Variants in SLC4A1 observed in about 807,000 individuals in gnomAD.
SLC4A1 encodes band 3 anion transport protein.
SLC4A1 carries 29 observed loss-of-function variants against 93.1 expected under a neutral mutation model. That is an observed-to-expected ratio of 0.31 (90% confidence interval 0.23 to 0.42). SLC4A1 has a LOEUF of 0.42. SLC4A1 is among the 20% of genes least tolerant of loss of function. The probability of loss-of-function intolerance (pLI) is 1.00; values close to 1 mark genes in which losing one functional copy is unlikely to be tolerated. For missense variants in SLC4A1, 965 were observed against 1,190.1 expected (o/e 0.81, Z 2.78); for synonymous variants, 469 against 497.2 (o/e 0.94, Z 0.76).
rs372661352 is a variant in SLC4A1 at position 44,260,830 on chromosome 17, G to A, written c.169-15C>T. On this transcript the variant is annotated splice_polypyrimidine_tract_variant and intron_variant, in intron 4 of 19. Transcript: ENST00000262418. ...TCCACATAGACCTGTGGCCCCATGC[G>A]CCTGAGTTAGTTCATCAGGCATAGT... is the stretch of plus-strand genomic sequence containing the variant. The A allele has an allele frequency of 1.7e-5, 28 of 1,608,816 alleles. 1 individual carries two copies. Among genetic ancestry groups the A allele is most frequent in the South Asian group, 1.1e-4 (10 of 91,092 alleles).
chr17:44,261,424 C>A, intron 4 of SLC4A1, 151 bp downstream of exon 4: 9 of 1,344,078 alleles, frequency 6.7e-6, no homozygotes, highest in Non-Finnish European at 9.4e-6. Context: ...GGCGTCCCTC[C>A]CACCTGTTTC....
Position 44,259,883 on chromosome 17 carries a change from T to A in SLC4A1, c.535A>T (p.Thr179Ser). The change falls in exon 7 of 20, where the codon ACA becomes TCA. Residue 179 changes from threonine (T) to serine (S), a missense_variant. Physicochemically the swap from Thr to Ser is moderately conservative, Grantham distance 58. Around this residue, in one of 2 missense-constraint regions of SLC4A1, gnomAD observed 770 missense variants for 1,006.6 expected, o/e 0.76. Transcript: ENST00000262418. ...ALGGVKPAVL[T>S]RSGDPSQPLL... ...GGCTGTGAAGGATCCCCAGAGCGTGTCAGGACTGCAGGCTTCACACCCCCC... is the reference window on the plus strand; with the variant it reads ...GGCTGTGAAGGATCCCCAGAGCGTGACAGGACTGCAGGCTTCACACCCCCC... 1 of 1,613,970 alleles carries A rather than the reference T, an allele frequency of 6.2e-7. No homozygotes were observed. Among genetic ancestry groups the A allele is most frequent in the Non-Finnish European group, 8.5e-7 (1 of 1,179,988 alleles).
In SLC4A1 at chr17:44,262,378, G is replaced by A. The variant is rs1475879556; in HGVS notation, c.106+258C>T. Among the ~76,000 whole-genome samples, 7 of 152,244 alleles carry A rather than the reference G, an allele frequency of 4.6e-5. No homozygotes were observed. In the South Asian group the frequency reaches 6.2e-4, roughly 13 times the overall value. ...GGGCACAGATGGCATGTGGGCTCAC[G>A]CCCTTGTCCCAAACTGGCTGCCCGC... On this transcript the variant is annotated intron_variant, in intron 3 of 19. Coordinates refer to ENST00000262418, the MANE Select transcript of SLC4A1 (RefSeq NM_000342.4).
rs2047433220 is a variant in SLC4A1 at position 44,260,478 on chromosome 17, G to C, written c.411C>G (p.Asp137Glu). The change falls in exon 6 of 20, where the codon GAC becomes GAG. Residue 137 changes from aspartate (D) to glutamate (E), a missense_variant. Transcript: ENST00000262418. ...GGATCTGGTCTTCAAAGATAAACCT[G>C]TCTAGCAGTTGGTTGGCCACTCCAG... Reference protein sequence around the residue: ...SLAGVANQLLDRFIFEDQIRP... With the variant: ...SLAGVANQLLERFIFEDQIRP... 1 of 1,614,208 alleles carries C rather than the reference G, an allele frequency of 6.2e-7. No individual in the cohort carries two copies. Among genetic ancestry groups the C allele is most frequent in the Middle Eastern group, 1.6e-4 (1 of 6,062 alleles).
At chr17:44,264,725 G>A (rs2047480740) in intron 1 of SLC4A1, among the ~76,000 whole-genome samples, 1 of 152,138 alleles carries the variant, frequency 6.6e-6, no homozygotes, top group South Asian at 2.1e-4. Context: ...CCAGCCAAGA[G>A]GCCTCTGAGC....
Position 44,257,756 on chromosome 17 carries a change from G to A in SLC4A1, c.1334C>T (p.Ala445Val), listed in dbSNP as rs1389616126. 1 of 1,614,092 alleles carries A rather than the reference G, an allele frequency of 6.2e-7. No homozygotes were observed. The highest frequency in any genetic ancestry group is 8.5e-7 in the Non-Finnish European group (1 of 1,180,018). Residue 445 changes from alanine (A) to valine (V), a missense_variant, in exon 12 of 20, where the codon GCA (alanine) becomes GTA (valine). Coordinates refer to ENST00000262418, the MANE Select transcript of SLC4A1 (RefSeq NM_000342.4). ...MGVSELLIST[A>V]VQGILFALLG... ...CAGGGCGAAGAGAATGCCCTGCACT[G>A]CAGTGGAGATCAGCAGCTCCGACAC...
At position 44,259,559 on chromosome 17, in the gene SLC4A1, T is replaced by G. The variant is rs1444507124; in HGVS notation, c.632A>C (p.His211Pro). 1 of 1,613,962 alleles carries G rather than the reference T, an allele frequency of 6.2e-7. No individual in the cohort carries two copies. Among genetic ancestry groups the G allele is most frequent in the Admixed American group, 1.7e-5 (1 of 60,012 alleles). The stretch of plus-strand genomic sequence containing the variant: ...CTTTTCCAGAATTCCAGATGGTGAG[T>G]GCCCTTCTGTGCCCCCATCTCCCTG... ...CEQGDGGTEGHSPSGILEKIP... is the reference protein window; with the variant it reads ...CEQGDGGTEGPSPSGILEKIP... The change falls in exon 8 of 20, where the codon CAC (histidine) becomes CCC (proline). Residue 211 changes from histidine (H) to proline (P), a missense_variant. Physicochemically the swap from His to Pro is moderately conservative, Grantham distance 77. This residue lies in a region of SLC4A1 where 770 missense variants were observed against 1,006.6 expected (regional missense o/e 0.76). Transcript: ENST00000262418.
At chr17:44,266,696 G>A (rs973601185) in intron 1 of SLC4A1, among the ~76,000 whole-genome samples, 4 of 152,314 alleles carry the variant, frequency 2.6e-5, no homozygotes, top group African/African-American at 9.6e-5. Flanking sequence ...CCCCCCAGCT[G>A]CAGGCCTTGT....
At position 44,259,948 on chromosome 17, in the gene SLC4A1, G is replaced by C. The variant is rs2047428031; in HGVS notation, c.486-16C>G. ...TCCAGCGTGGCTGCAGGACGTACAGGGGACATGGGCTGAGTAAGCTGTTCA... is the reference window on the plus strand; with the variant it reads ...TCCAGCGTGGCTGCAGGACGTACAGCGGACATGGGCTGAGTAAGCTGTTCA... On this transcript the variant is annotated splice_polypyrimidine_tract_variant and intron_variant, in intron 6 of 19. Transcript: ENST00000262418. 10 of 1,613,286 alleles carry C rather than the reference G, an allele frequency of 6.2e-6. No homozygotes were observed. The highest frequency in any genetic ancestry group is 8.5e-6 in the Non-Finnish European group (10 of 1,180,010).
chr17:44,252,047 C>CTTTTT (rs966641655), intron 17 of SLC4A1, among the ~76,000 whole-genome samples: 7 of 69,130 alleles, frequency 1.0e-4, no homozygotes, highest in African/African-American at 4.9e-4. Flanking sequence ...TCCTATGGGT[C>CTTTTT]TTTTTTTTTT....
In SLC4A1 at chr17:44,264,782, G is replaced by C. The variant is rs151117398; in HGVS notation, c.-68-1848C>G. ...TTGTGTCCCTAGCAGAGAGGAAGGTGTGCCTTCCCCAGGAATGTGAGGGCA... is the reference window on the plus strand; with the variant it reads ...TTGTGTCCCTAGCAGAGAGGAAGGTCTGCCTTCCCCAGGAATGTGAGGGCA... On this transcript the variant is annotated intron_variant, in intron 1 of 19. Coordinates refer to ENST00000262418, the MANE Select transcript of SLC4A1 (RefSeq NM_000342.4). Among the ~76,000 whole-genome samples the C allele has an allele frequency of 4.0e-3, 616 of 152,218 alleles. 3 individuals carry two copies. Among genetic ancestry groups the C allele is most frequent in the Non-Finnish European group, 6.7e-3 (456 of 68,030 alleles).
intron 14 of SLC4A1, 122 bp from the exon 15 acceptor site, chr17:44,255,418 C>G: frequency 3.8e-6 from 3 of 792,534 alleles, no homozygotes; most frequent in Non-Finnish European, 6.3e-6. Context: ...CATCTAATGC[C>G]CTGTCCTGCA....
At chr17:44,252,123 T>G (rs1342687165) in intron 17 of SLC4A1, among the ~76,000 whole-genome samples, 1 of 140,562 alleles carries the variant, frequency 7.1e-6, no homozygotes, top group African/African-American at 2.7e-5. Flanking sequence ...TGGTGCAATC[T>G]CAGCTCACTT....
intron 15 of SLC4A1, 77 bp downstream of exon 15, chr17:44,255,130 T>C: frequency 1.0e-6 from 1 of 997,414 alleles, no homozygotes; most frequent in East Asian, 2.7e-5. Flanking sequence ...AAAGCTATTC[T>C]AGGGAAGGGG....
intron 1 of SLC4A1, among the ~76,000 whole-genome samples, chr17:44,266,670 C>T (rs1315884943): frequency 6.6e-6 from 1 of 152,180 alleles, no homozygotes; most frequent in Non-Finnish European, 1.5e-5. Flanking sequence ...CAGATTGCCA[C>T]CCGCCAGCCA....
intron 1 of SLC4A1, among the ~76,000 whole-genome samples, chr17:44,263,173 A>G (rs1250588684): frequency 1.3e-5 from 2 of 152,136 alleles, no homozygotes; most frequent in Non-Finnish European, 2.9e-5. Context: ...GCACCAGCGA[A>G]GGATGTTTGG....
intron 16 of SLC4A1, 36 bp downstream of exon 16, chr17:44,254,460 C>T (rs1357489554): frequency 1.6e-6 from 2 of 1,288,818 alleles, no homozygotes; most frequent in East Asian, 2.5e-5. Context: ...CCCTGCCTCC[C>T]ACCCTCCCAG....
Position 44,258,492 on chromosome 17 carries a change from C to A in SLC4A1, c.1008G>T (p.Val336=). ...APSEQALLSL[V]PVQRELLRRR... is the part of the protein sequence containing the mutation. ...TTCGAAGTAGCTCCCTCTGCACAGG[C>A]ACCAGACTGAGCAGTGCCTGCTCGG... The change falls in exon 10 of 20, where the codon GTG becomes GTT. Residue 336 remains valine, a synonymous_variant. Coordinates refer to ENST00000262418, the MANE Select transcript of SLC4A1 (RefSeq NM_000342.4). This position sits in a 1 kb window ranked among gnomAD's most constrained non-coding sequence, Gnocchi z 6.1. 3.7e-6 allele frequency: 6 copies of A among 1,614,006 alleles called. No individual in the cohort carries two copies. The highest frequency in any genetic ancestry group is 3.4e-6 in the Non-Finnish European group (4 of 1,179,984).
Position 44,255,176 on chromosome 17 carries a change from T to C in SLC4A1, c.1890+31A>G, listed in dbSNP as rs936196184. 16 of 1,480,082 alleles carry C rather than the reference T, an allele frequency of 1.1e-5. No homozygotes were observed. In the African/African-American group the frequency reaches 1.8e-4, roughly 17 times the overall value. The allele number at this position is 1,480,082 out of a possible 1,614,324, so 91.7% of individuals were successfully genotyped here. ...GGTGGAAATGAGGACCTGGGGGGTA[T>C]CATGGTCTGAGGGCTGGGAGGAGGG... is the stretch of plus-strand genomic sequence containing the variant. On this transcript the variant is annotated intron_variant, in intron 15 of 19. Coordinates refer to ENST00000262418, the MANE Select transcript of SLC4A1 (RefSeq NM_000342.4).
Sources: gnomAD v4.1 joint callset for allele counts (sites outside exome capture counted in the v4.1 genomes callset) on GRCh38, gnomAD v4.1.1 for gene constraint, gnomAD v4.1.1 regional missense constraint, Gnocchi (gnomAD v3.1) non-coding constraint, MANE v1.5 for transcripts, NCBI Gene and HGNC (gene_info 2026-07-23, HGNC 2026-07-21) for gene names.